Variants in TNFRSF19 observed in about 807,000 individuals in gnomAD.
The protein encoded by TNFRSF19 is tumor necrosis factor receptor superfamily member 19.
In TNFRSF19, 27 loss-of-function variants were observed where a neutral mutation model predicts 46.4. The observed-to-expected ratio is 0.58, with a 90% confidence interval of 0.43 to 0.80. The LOEUF is 0.80. Ranked by LOEUF, TNFRSF19 falls within the 30% of genes least tolerant of loss-of-function variation. The pLI, the probability that TNFRSF19 is intolerant of heterozygous loss-of-function variation, is 0.00. For missense variants in TNFRSF19, 511 were observed against 530.8 expected (o/e 0.96, Z 0.37); for synonymous variants, 204 against 205.0 (o/e 1.00, Z 0.04).
In TNFRSF19 at chr13:23,631,365, A is replaced by T. The variant is rs142055658; in HGVS notation, c.445+4573A>T. Among the ~76,000 whole-genome samples the T allele has an allele frequency of 1.1e-3, 167 of 152,256 alleles. 1 individual carries two copies. Among genetic ancestry groups the T allele is most frequent in the African/African-American group, 3.6e-3 (151 of 41,554 alleles). On this transcript the variant is annotated intron_variant, in intron 5 of 9. Transcript: ENST00000248484. Reference sequence around the variant, plus strand: ...ATTTTGAAAAGATGAGCATAATTACACTGTACATACTATTTTGGATTCTTT... The same window carrying T: ...ATTTTGAAAAGATGAGCATAATTACTCTGTACATACTATTTTGGATTCTTT...
At chr13:23,596,745 A>G (rs895077246) in intron 3 of TNFRSF19, among the ~76,000 whole-genome samples, 2 of 152,220 alleles carry the variant, frequency 1.3e-5, no homozygotes, top group African/African-American at 4.8e-5. Context: ...CTCTGGATCA[A>G]TTGGACCTAA....
intron 1 of TNFRSF19, chr13:23,579,249 C>CG (rs1288690089): frequency 2.0e-5 from 3 of 151,104 alleles, no homozygotes; most frequent in African/African-American, 7.3e-5. Context: ...GCGCTGGGGG[C>CG]GGGGCTCTGG....
At chr13:23,662,905 G>A (rs1884459314) in intron 7 of TNFRSF19, among the ~76,000 whole-genome samples, 1 of 152,156 alleles carries the variant, frequency 6.6e-6, no homozygotes, top group African/African-American at 2.4e-5. Context: ...ATCAGCTGAA[G>A]AAGCTTTTGG....
At chr13:23,617,041 G>T (rs557732350) in intron 4 of TNFRSF19, among the ~76,000 whole-genome samples, 12 of 152,284 alleles carry the variant, frequency 7.9e-5, no homozygotes, top group African/African-American at 1.2e-4. Context: ...AAATTGGGTT[G>T]TCAGGATAGG....
chr13:23,667,926 G>C (rs1593303617), intron 7 of TNFRSF19, 54 bp from the exon 8 acceptor site: 2 of 1,455,988 alleles, frequency 1.4e-6, no homozygotes, highest in East Asian at 5.0e-5. Context: ...TGTTATTAAA[G>C]TGAAAGCTGC....
chr13:23,608,998 A>T (rs77289852), intron 3 of TNFRSF19, among the ~76,000 whole-genome samples: 3,306 of 152,270 alleles, frequency 0.022, 44 homozygotes, highest in Middle Eastern at 0.037. Context: ...CGTTCTGAGC[A>T]GGCGCCTCTC....
intron 1 of TNFRSF19, among the ~76,000 whole-genome samples, chr13:23,585,058 G>A (rs538939150): frequency 6.6e-6 from 1 of 150,658 alleles, no homozygotes; most frequent in Admixed American, 6.6e-5. Context: ...AATGTCAAAG[G>A]CTGTATTTAT....
chr13:23,618,985 G>A (rs1301589600), intron 4 of TNFRSF19, among the ~76,000 whole-genome samples: 1 of 152,166 alleles, frequency 6.6e-6, no homozygotes, highest in Non-Finnish European at 1.5e-5. Context: ...GCAGCAGAAA[G>A]GCCCTCACCA....
At chr13:23,628,280 GTGT>G (rs1204395956) in intron 5 of TNFRSF19, among the ~76,000 whole-genome samples, 4 of 152,174 alleles carry the variant, frequency 2.6e-5, no homozygotes, top group Admixed American at 2.0e-4. Flanking sequence ...ACTCTTTCTT[GTGT>G]TGTTTGCTTT....
chr13:23,633,790 A>C (rs867487206), intron 5 of TNFRSF19, among the ~76,000 whole-genome samples: 1 of 152,250 alleles, frequency 6.6e-6, no homozygotes, highest in Non-Finnish European at 1.5e-5. Flanking sequence ...CGGAGGTTGC[A>C]GTGAGCCGAG....
chr13:23,627,508 A>G (rs1409938477), intron 5 of TNFRSF19, among the ~76,000 whole-genome samples: 1 of 152,236 alleles, frequency 6.6e-6, no homozygotes, highest in Non-Finnish European at 1.5e-5. Flanking sequence ...AATCCTAAGT[A>G]CAAACCTGGT....
chr13:23,636,649 G>A (rs1191786291), intron 5 of TNFRSF19, among the ~76,000 whole-genome samples: 3 of 152,164 alleles, frequency 2.0e-5, no homozygotes, highest in African/African-American at 7.2e-5. Flanking sequence ...CCTAGGACAG[G>A]GCCCTGAAAG....
At chr13:23,651,662 T>C (rs1470653907) in intron 5 of TNFRSF19, among the ~76,000 whole-genome samples, 2 of 152,132 alleles carry the variant, frequency 1.3e-5, no homozygotes, top group Non-Finnish European at 2.9e-5. Flanking sequence ...CATATGTTGT[T>C]TTTTACTGCA....
intron 2 of TNFRSF19, among the ~76,000 whole-genome samples, chr13:23,592,711 T>C (rs561267978): frequency 2.0e-5 from 3 of 152,210 alleles, no homozygotes; most frequent in Non-Finnish European, 4.4e-5. Flanking sequence ...GGTGTCCTGA[T>C]TGTTAGAAAT....
At chr13:23,625,050 C>T (rs1366129846) in intron 4 of TNFRSF19, among the ~76,000 whole-genome samples, 3 of 152,028 alleles carry the variant, frequency 2.0e-5, no homozygotes, top group African/African-American at 7.2e-5. Context: ...CTGCGCCTGG[C>T]CACACACGAC....
At chr13:23,630,811 A>G (rs1882310994) in intron 5 of TNFRSF19, among the ~76,000 whole-genome samples, 1 of 152,236 alleles carries the variant, frequency 6.6e-6, no homozygotes, top group Non-Finnish European at 1.5e-5. Context: ...AATTTGGAAC[A>G]AATACTGTGG....
chr13:23,668,142 A>G, intron 8 of TNFRSF19, 60 bp downstream of exon 8: 2 of 1,371,572 alleles, frequency 1.5e-6, no homozygotes, highest in Middle Eastern at 1.8e-4. Context: ...GCATTCTACT[A>G]ATTTACCGAT....
chr13:23,624,524 A>C (rs2138283193), intron 4 of TNFRSF19, among the ~76,000 whole-genome samples: 1 of 152,284 alleles, frequency 6.6e-6, no homozygotes, highest in East Asian at 1.9e-4. Context: ...TGCTTCTACC[A>C]TAAATTATAC....
rs759684969 is a variant in TNFRSF19, at chr13:23,593,341, T to TC, written c.70-3dup. The TC allele has an allele frequency of 1.3e-5, 20 of 1,534,178 alleles. No individual in the cohort carries two copies. Among genetic ancestry groups the TC allele is most frequent in the East Asian group, 7.0e-5 (3 of 42,844 alleles). The stretch of plus-strand genomic sequence containing the variant: ...ATAACATTTTGTTAAATTTTTTTTT[T>TC]CAGTCATGTAAAGTGACTTGTGAAT... On this transcript the variant is annotated splice_polypyrimidine_tract_variant and splice_region_variant and intron_variant, in intron 2 of 9. Transcript: ENST00000248484.
Sources: allele counts gnomAD v4.1 joint callset (sites outside exome capture counted in the v4.1 genomes callset), GRCh38; gene constraint gnomAD v4.1.1; transcripts MANE v1.5; gene names NCBI Gene and HGNC (gene_info 2026-07-23, HGNC 2026-07-21).